Variants in SH3PXD2A observed in about 807,000 individuals in gnomAD.
The protein encoded by SH3PXD2A is SH3 and PX domains 2A.
In SH3PXD2A, 32 loss-of-function variants were observed where a neutral mutation model predicts 115.2. The observed-to-expected ratio is 0.28, with a 90% CI of 0.21 to 0.37. The LOEUF is 0.37. Among genes scored for constraint, SH3PXD2A ranks in the 10% least tolerant of loss-of-function variants. The pLI is 1.00. For synonymous variants in SH3PXD2A, 610 were observed against 629.1 expected (o/e 0.97, Z 0.45); for missense variants, 1,328 against 1,498.7 (o/e 0.89, Z 1.88).
intron 3 of SH3PXD2A, among the ~76,000 whole-genome samples, chr10:103,751,730 T>C (rs1396126792): frequency 2.0e-5 from 3 of 152,120 alleles, no homozygotes; most frequent in Non-Finnish European, 4.4e-5. Flanking sequence ...CAGGCAGTGT[T>C]AAGGAAGGTT....
intron 12 of SH3PXD2A, among the ~76,000 whole-genome samples, chr10:103,612,599 C>T (rs1465177816): frequency 1.3e-5 from 2 of 152,200 alleles, no homozygotes; most frequent in South Asian, 2.1e-4. Context: ...GAGGAGGGAA[C>T]GCTACCACCC....
chr10:103,841,532 GT>G (rs2134317806), intron 1 of SH3PXD2A, among the ~76,000 whole-genome samples: 1 of 152,296 alleles, frequency 6.6e-6, no homozygotes, highest in Non-Finnish European at 1.5e-5. Context: ...GTTTTGGCCA[GT>G]TTCAGTCTCC....
chr10:103,647,007 G>A (rs1009085546), intron 8 of SH3PXD2A, among the ~76,000 whole-genome samples: 4 of 124,646 alleles, frequency 3.2e-5, no homozygotes. Context: ...TCCCTTGGAG[G>A]GAGGCCTCTA....
At chr10:103,614,861 G>C (rs1346373598) in intron 11 of SH3PXD2A, among the ~76,000 whole-genome samples, 1 of 152,064 alleles carries the variant, frequency 6.6e-6, no homozygotes, top group Non-Finnish European at 1.5e-5. Flanking sequence ...ACATGTCTGA[G>C]CTTTGCGAGA....
At chr10:103,649,052 A>T (rs1272929981) in intron 8 of SH3PXD2A, among the ~76,000 whole-genome samples, 1 of 152,194 alleles carries the variant, frequency 6.6e-6, no homozygotes, top group African/African-American at 2.4e-5. Context: ...TGCGGGGAAG[A>T]GCTGGCTGAA....
At chr10:103,617,738 C>T (rs1319182873) in intron 10 of SH3PXD2A, among the ~76,000 whole-genome samples, 4 of 152,224 alleles carry the variant, frequency 2.6e-5, no homozygotes, top group Non-Finnish European at 4.4e-5. Flanking sequence ...CGCTTTTCCT[C>T]GAAATGTGCC....
intron 9 of SH3PXD2A, among the ~76,000 whole-genome samples, chr10:103,623,189 G>C (rs964608308): frequency 6.6e-6 from 1 of 152,154 alleles, no homozygotes; most frequent in African/African-American, 2.4e-5. Context: ...CTGCTGAACG[G>C]AATGACACAA....
Position 103,773,534 on chromosome 10 carries a change from G to C in SH3PXD2A, c.154-6365C>G, listed in dbSNP as rs1250220565. On this transcript the variant is annotated intron_variant, in intron 2 of 14. Transcript: ENST00000369774. The stretch of plus-strand genomic sequence containing the variant: ...GGCTCACTGCAACCCCCTCCTCCCA[G>C]GTTCAAGCGATTCTTCTGCCTCAGC... 2.6e-5 allele frequency among the ~76,000 whole-genome samples: 4 copies of C among 151,632 alleles called. No individual in the cohort carries two copies. In the East Asian group the frequency reaches 7.9e-4, roughly 30 times the overall value.
intron 1 of SH3PXD2A, among the ~76,000 whole-genome samples, chr10:103,826,549 G>A (rs946864821): frequency 6.6e-6 from 1 of 152,196 alleles, no homozygotes; most frequent in African/African-American, 2.4e-5. Context: ...CAGATCTACT[G>A]AGAAACATGC....
intron 1 of SH3PXD2A, among the ~76,000 whole-genome samples, chr10:103,812,987 A>T (rs1393913660): frequency 6.6e-6 from 1 of 152,224 alleles, no homozygotes; most frequent in Non-Finnish European, 1.5e-5. Context: ...GTATGTATAT[A>T]AAGATAAGGA....
intron 3 of SH3PXD2A, among the ~76,000 whole-genome samples, chr10:103,739,875 C>T (rs891044578): frequency 1.3e-5 from 2 of 152,186 alleles, no homozygotes; most frequent in Admixed American, 6.5e-5. Context: ...TGGGGTGAGA[C>T]CAGCGAAGGA....
intron 4 of SH3PXD2A, among the ~76,000 whole-genome samples, chr10:103,727,763 G>A (rs936421771): frequency 2.6e-5 from 4 of 152,248 alleles, no homozygotes; most frequent in Admixed American, 6.5e-5. Context: ...TGGAACAACC[G>A]CAGCATCTTT....
At chr10:103,804,469 C>T (rs112886951) in intron 1 of SH3PXD2A, among the ~76,000 whole-genome samples, 21,427 of 151,398 alleles carry the variant, frequency 0.14, 2,096 homozygotes, top group Non-Finnish European at 0.2. Context: ...CTGCAGGCAC[C>T]CGCCACCACG....
At chr10:103,630,408 C>CAG (rs2036761230) in intron 8 of SH3PXD2A, among the ~76,000 whole-genome samples, 1 of 152,192 alleles carries the variant, frequency 6.6e-6, no homozygotes, top group South Asian at 2.1e-4. Context: ...TCCTTTACCA[C>CAG]AGATGTGGGC....
rs780402636 is a variant in SH3PXD2A, at chr10:103,605,776, G to A, written c.1428+22C>T. The A allele has an allele frequency of 1.3e-5, 21 of 1,613,856 alleles. No homozygotes were observed. The Admixed American group carries it at 1.7e-4, about 13-fold the overall frequency. On this transcript the variant is annotated intron_variant, in intron 14 of 14. Transcript: ENST00000369774. ...TCCACCACAATGAGTTAAAACCCTC[G>A]GCCTCATGGCCCAAGGCTTACCTCT... is the stretch of plus-strand genomic sequence containing the variant.
chr10:103,628,746 G>C (rs2036735192), intron 8 of SH3PXD2A, among the ~76,000 whole-genome samples: 2 of 152,102 alleles, frequency 1.3e-5, no homozygotes, highest in African/African-American at 4.8e-5. Context: ...ATACACACCT[G>C]AAAAAAGGAA....
intron 5 of SH3PXD2A, among the ~76,000 whole-genome samples, chr10:103,705,285 A>G (rs932563609): frequency 2.0e-5 from 3 of 149,368 alleles, no homozygotes; most frequent in African/African-American, 7.3e-5. Flanking sequence ...GGTGGCAAAC[A>G]GGGGGAGGGA....
intron 6 of SH3PXD2A, among the ~76,000 whole-genome samples, chr10:103,686,386 G>A (rs1231116571): frequency 6.6e-6 from 1 of 152,194 alleles, no homozygotes. Flanking sequence ...CCGGCTAGGT[G>A]CCCTGGCGAA....
At chr10:103,801,756 T>C (rs575689110) in intron 1 of SH3PXD2A, among the ~76,000 whole-genome samples, 137 of 152,378 alleles carry the variant, frequency 9.0e-4, no homozygotes, top group Non-Finnish European at 1.6e-3. Flanking sequence ...CAGGCTAGAG[T>C]GCAGTGGTGT....
Sources: allele counts gnomAD v4.1 joint callset (sites outside exome capture counted in the v4.1 genomes callset), GRCh38; gene constraint gnomAD v4.1.1; transcripts MANE v1.5; gene names NCBI Gene and HGNC (gene_info 2026-07-23, HGNC 2026-07-21).